Variants in ERC1 observed in about 807,000 individuals in gnomAD.
ERC1 encodes the protein RAB6 interacting protein 2.
In ERC1, 56 loss-of-function variants were observed where a neutral mutation model predicts 132.0. That is an observed-to-expected ratio of 0.42 (90% CI 0.34 to 0.53). The LOEUF (loss-of-function observed/expected upper bound fraction) is 0.53, where lower values mean the gene tolerates loss of function less well. ERC1 is among the 20% of genes least tolerant of loss of function. The pLI is 0.03. For synonymous variants in ERC1, 478 were observed against 476.1 expected (o/e 1.00, Z -0.05); for missense variants, 1,202 against 1,349.9 (o/e 0.89, Z 1.72).
At chr12:1,257,173 C>G (rs2076868398) in intron 13 of ERC1, 2 of 140,594 alleles carry the variant, frequency 1.4e-5, no homozygotes, top group Admixed American at 7.0e-5. Flanking sequence ...TGTAATGACA[C>G]TCAAGCAGCC....
intron 12 of ERC1, among the ~76,000 whole-genome samples, chr12:1,196,905 TACACACACACACA>T (rs1956332008): frequency 8.7e-5 from 5 of 57,728 alleles, no homozygotes; most frequent in Admixed American, 2.6e-4. Context: ...TCTGTCTCTC[TACACACACACACA>T]CACACACACA....
At position 1,110,299 on chromosome 12, in the gene ERC1, G is replaced by T. The variant is rs757522157; in HGVS notation, c.1269G>T (p.Met423Ile). The change falls in exon 5 of 19, where the codon ATG becomes ATT. Residue 423 changes from methionine to isoleucine, a missense_variant. Coordinates refer to ENST00000360905, the MANE Select transcript of ERC1 (RefSeq NM_178040.4). ...ALSTEEREEE[M>I]KQMEVYRSHS... is the part of the protein sequence containing the mutation. ...GTACTGAGGAAAGGGAAGAAGAAAT[G>T]AAGCAAATGGAAGTGTATCGGAGCC... 3.7e-6 allele frequency: 6 copies of T among 1,613,450 alleles called. No homozygotes were observed. Among genetic ancestry groups the T allele is most frequent in the Non-Finnish European group, 5.1e-6 (6 of 1,179,652 alleles).
Position 1,007,460 on chromosome 12 carries a change from TTCTCTC to T in ERC1, c.-157+16166_-157+16171del, listed in dbSNP as rs72040785. On this transcript the variant is annotated intron_variant, in intron 1 of 18. Transcript: ENST00000360905. ...AGCTTTAACAGGACTGGGTAATTCA[TTCTCTC>T]TCTCTCTCTCTCTCTCTCTCTCTCT... Among the ~76,000 whole-genome samples, 524 of 134,956 alleles carry T rather than the reference TTCTCTC, an allele frequency of 3.9e-3. 3 individuals are homozygous for T. Among genetic ancestry groups the T allele is most frequent in the South Asian group, 0.015 (61 of 4,100 alleles). The allele number at this position is 134,956 out of a possible 152,430, so 88.5% of individuals were successfully genotyped here. A position where few individuals can be genotyped will look rare whatever the true frequency, so the allele number is the denominator to read the frequency against.
intron 1 of ERC1, among the ~76,000 whole-genome samples, chr12:1,023,308 A>T (rs1032800773): frequency 6.6e-6 from 1 of 152,212 alleles, no homozygotes; most frequent in Admixed American, 6.5e-5. Context: ...ATATGTGTGT[A>T]TATGGAGTAT....
At chr12:1,067,793 G>T (rs1371220157) in intron 2 of ERC1, among the ~76,000 whole-genome samples, 1 of 151,988 alleles carries the variant, frequency 6.6e-6, no homozygotes, top group Non-Finnish European at 1.5e-5. Context: ...GCACAGCTTT[G>T]TTATAATGAT....
At chr12:1,163,120 A>G (rs1028006255) in intron 8 of ERC1, among the ~76,000 whole-genome samples, 5 of 152,176 alleles carry the variant, frequency 3.3e-5, no homozygotes, top group Non-Finnish European at 1.5e-5. Flanking sequence ...TTAAAAGTAA[A>G]CCTTAAGGAA....
At chr12:1,199,580 G>GACCA (rs1360262188) in intron 12 of ERC1, among the ~76,000 whole-genome samples, 1 of 151,944 alleles carries the variant, frequency 6.6e-6, no homozygotes, top group Non-Finnish European at 1.5e-5. Context: ...AGACCAGCCT[G>GACCA]ACCAACATGG....
chr12:1,473,672 G>A (rs1206250258), intron 18 of ERC1, among the ~76,000 whole-genome samples: 1 of 149,382 alleles, frequency 6.7e-6, no homozygotes, highest in Non-Finnish European at 1.5e-5. Flanking sequence ...AGAAGGAGAA[G>A]TCCCCACAGC....
At chr12:991,747 T>C (rs192200212) in intron 1 of ERC1, 5 of 152,204 alleles carry the variant, frequency 3.3e-5, no homozygotes, top group African/African-American at 1.2e-4. Flanking sequence ...GACGGAGAAA[T>C]TGGGGAGCCA....
intron 18 of ERC1, among the ~76,000 whole-genome samples, chr12:1,485,840 A>G (rs1261967630): frequency 6.6e-6 from 1 of 152,236 alleles, no homozygotes; most frequent in African/African-American, 2.4e-5. Flanking sequence ...AATAAAGCTA[A>G]AAATACTTTT....
chr12:1,348,874 C>T (rs1045125139), intron 15 of ERC1, among the ~76,000 whole-genome samples: 2 of 152,106 alleles, frequency 1.3e-5, no homozygotes. Context: ...AAGCTTCAAG[C>T]CTTGAAATAT....
intron 17 of ERC1, among the ~76,000 whole-genome samples, chr12:1,416,953 C>T (rs922421022): frequency 9.2e-5 from 14 of 152,166 alleles, no homozygotes; most frequent in Admixed American, 6.5e-5. Context: ...CGTTCCCCTC[C>T]CTTCTTCACT....
chr12:1,146,308 GTTTTT>G (rs1172108036), intron 8 of ERC1, among the ~76,000 whole-genome samples: 1,407 of 31,752 alleles, frequency 0.044, 37 homozygotes, highest in African/African-American at 0.17. Context: ...TATTTTACTG[GTTTTT>G]TTTTTTTTTT....
chr12:1,468,112 A>G (rs1189616354), intron 18 of ERC1, among the ~76,000 whole-genome samples: 1 of 152,214 alleles, frequency 6.6e-6, no homozygotes, highest in Admixed American at 6.5e-5. Context: ...AACCTTTTAC[A>G]AGGATTGAGC....
chr12:1,330,864 C>T (rs2082813383), intron 15 of ERC1, among the ~76,000 whole-genome samples: 1 of 152,006 alleles, frequency 6.6e-6, no homozygotes, highest in Admixed American at 6.6e-5. Context: ...CTCTTTATGT[C>T]TTTTATCCTT....
chr12:1,066,342 A>G (rs990970334), intron 2 of ERC1, among the ~76,000 whole-genome samples: 1 of 152,262 alleles, frequency 6.6e-6, no homozygotes. Flanking sequence ...TAGATTAGGA[A>G]GAACAAAGAA....
chr12:1,181,231 C>T (rs1447135480), intron 9 of ERC1, among the ~76,000 whole-genome samples: 2 of 152,120 alleles, frequency 1.3e-5, no homozygotes, highest in Non-Finnish European at 2.9e-5. Flanking sequence ...TCCCATTCCC[C>T]CCTTTTTTGG....
At chr12:1,310,538 C>T (rs1165884073) in intron 15 of ERC1, among the ~76,000 whole-genome samples, 3 of 152,150 alleles carry the variant, frequency 2.0e-5, no homozygotes, top group Non-Finnish European at 4.4e-5. Flanking sequence ...TCAGTAATTA[C>T]TGCTTTATTA....
intron 4 of ERC1, 87 bp downstream of exon 4, chr12:1,104,911 G>A (rs1325905354): frequency 1.3e-6 from 1 of 788,690 alleles, no homozygotes; most frequent in South Asian, 1.5e-5. Flanking sequence ...TTAGGAAATG[G>A]CATGTAATAG....
Sources: gnomAD v4.1 joint callset for allele counts (sites outside exome capture counted in the v4.1 genomes callset) on GRCh38, gnomAD v4.1.1 for gene constraint, MANE v1.5 for transcripts, NCBI Gene and HGNC (gene_info 2026-07-23, HGNC 2026-07-21) for gene names.